Variants in GALNT17 observed in about 807,000 individuals in gnomAD.
GALNT17 encodes polypeptide N-acetylgalactosaminyltransferase 17, also known as UDP-GalNAc:polypeptide N-acetylgalactosaminyltransferase-like 3.
Under a neutral mutation model 63.7 loss-of-function variants are expected in GALNT17, and 29 were observed. The ratio of observed to expected loss-of-function variants is 0.46; its 90% CI spans 0.34 to 0.62. The LOEUF is 0.62. Ranked by LOEUF, GALNT17 falls within the 20% of genes least tolerant of loss-of-function variation. GALNT17 has a pLI of 0.01. For missense variants in GALNT17, 603 were observed against 799.6 expected (o/e 0.75, Z 2.97); for synonymous variants, 305 against 318.3 (o/e 0.96, Z 0.45).
At chr7:71,469,648 G>C (rs1304891407) in intron 5 of GALNT17, among the ~76,000 whole-genome samples, 1 of 152,184 alleles carries the variant, frequency 6.6e-6, no homozygotes, top group Non-Finnish European at 1.5e-5. Flanking sequence ...CCAAAACTCG[G>C]TGACTGGCAG....
At chr7:71,201,249 A>ATATATATATATATATATATG (rs1789164695) in intron 1 of GALNT17, among the ~76,000 whole-genome samples, 1 of 148,972 alleles carries the variant, frequency 6.7e-6, no homozygotes, top group African/African-American at 2.5e-5. Flanking sequence ...TTTTATATAT[A>ATATATATATATATATATATG]TATATATAAT....
At chr7:71,411,361 C>T (rs1024338257) in intron 3 of GALNT17, among the ~76,000 whole-genome samples, 8 of 152,042 alleles carry the variant, frequency 5.3e-5, no homozygotes, top group Non-Finnish European at 1.0e-4. Flanking sequence ...CTCAAGTGAT[C>T]TGCTTGTCTA....
At chr7:71,319,056 G>A (rs893580227) in intron 1 of GALNT17, among the ~76,000 whole-genome samples, 1 of 118,156 alleles carries the variant, frequency 8.5e-6, no homozygotes, top group African/African-American at 3.2e-5. Context: ...TTATCCTAAT[G>A]TCTGAACCAC....
At position 71,665,475 on chromosome 7, in the gene GALNT17, A is replaced by G. The variant is rs374598989; in HGVS notation, c.1145A>G (p.Lys382Arg). ...TCACGGGTGGCCCACATTGAGCGGA[A>G]GAAGAAGCCATATAATAGCAACATT... is the stretch of plus-strand genomic sequence containing the variant. ...PCSRVAHIER[K>R]KKPYNSNIGF... The change falls in exon 7 of 11, where the codon AAG becomes AGG. Residue 382 changes from lysine to arginine, a missense_variant. By Grantham distance (26) the Lys-to-Arg change is conservative. Coordinates refer to ENST00000333538, the MANE Select transcript of GALNT17 (RefSeq NM_022479.3). 23 of 1,613,464 alleles carry G rather than the reference A, an allele frequency of 1.4e-5. No homozygotes were observed. Among genetic ancestry groups the G allele is most frequent in the Middle Eastern group, 1.8e-4 (1 of 5,714 alleles).
At chr7:71,361,808 C>CAG (rs373972800) in intron 2 of GALNT17, among the ~76,000 whole-genome samples, 33 of 147,582 alleles carry the variant, frequency 2.2e-4, no homozygotes, top group African/African-American at 6.7e-4. Context: ...GAGAGAGAGA[C>CAG]AGAGAGAGAG....
chr7:71,685,380 T>C (rs970539412), intron 9 of GALNT17: 2 of 152,202 alleles, frequency 1.3e-5, no homozygotes, highest in African/African-American at 4.8e-5. Context: ...CTCTGGGGAC[T>C]TATTGTAACC....
chr7:71,328,469 A>C (rs1791742695), intron 1 of GALNT17, among the ~76,000 whole-genome samples: 1 of 152,098 alleles, frequency 6.6e-6, no homozygotes, highest in Non-Finnish European at 1.5e-5. Flanking sequence ...CGACTGAGCA[A>C]GGGGCACTTG....
At chr7:71,516,590 G>A (rs1243099482) in intron 5 of GALNT17, among the ~76,000 whole-genome samples, 1 of 152,178 alleles carries the variant, frequency 6.6e-6, no homozygotes, top group Non-Finnish European at 1.5e-5. Context: ...CAGGAGGGGT[G>A]CAGGTATACA....
intron 1 of GALNT17, among the ~76,000 whole-genome samples, chr7:71,327,277 C>CA (rs1447782888): frequency 1.3e-5 from 2 of 152,152 alleles, no homozygotes; most frequent in African/African-American, 4.8e-5. Flanking sequence ...ATAATGGACT[C>CA]ACAGTTTCAC....
intron 1 of GALNT17, among the ~76,000 whole-genome samples, chr7:71,251,943 G>A (rs551184966): frequency 3.9e-5 from 6 of 152,228 alleles, no homozygotes; most frequent in African/African-American, 1.4e-4. Context: ...CATAAGATCT[G>A]TACAGTCACT....
intron 1 of GALNT17, among the ~76,000 whole-genome samples, chr7:71,266,197 G>A (rs928489887): frequency 1.0e-4 from 12 of 115,172 alleles, no homozygotes; most frequent in African/African-American, 2.8e-4. Context: ...AGATAAATCC[G>A]GCATAGTCCC....
chr7:71,184,373 G>A (rs886631395), intron 1 of GALNT17, among the ~76,000 whole-genome samples: 15 of 135,824 alleles, frequency 1.1e-4, no homozygotes, highest in African/African-American at 5.6e-4. Context: ...ATCTCTGCTA[G>A]CTTGAGTGCT....
Position 71,401,601 on chromosome 7 carries a change from G to A in GALNT17, c.589+13200G>A, listed in dbSNP as rs143961878. On this transcript the variant is annotated intron_variant, in intron 3 of 10. Coordinates refer to ENST00000333538, the MANE Select transcript of GALNT17 (RefSeq NM_022479.3). Reference sequence around the variant, plus strand: ...TTTAGAGCCACTCCCCATTGCTCGCGTTACCACCTGAGCTCCATCTCCTGT... The same window carrying A: ...TTTAGAGCCACTCCCCATTGCTCGCATTACCACCTGAGCTCCATCTCCTGT... Among the ~76,000 whole-genome samples, 62 of 152,190 alleles carry A rather than the reference G, an allele frequency of 4.1e-4. No individual in the cohort carries two copies. In the East Asian group the frequency reaches 9.7e-3, roughly 24 times the overall value.
At chr7:71,507,304 C>T (rs1788284950) in intron 5 of GALNT17, among the ~76,000 whole-genome samples, 1 of 152,110 alleles carries the variant, frequency 6.6e-6, no homozygotes, top group Non-Finnish European at 1.5e-5. Flanking sequence ...GTTAAGCCTT[C>T]AGCCTGCTTC....
At chr7:71,369,986 G>A (rs1266545494) in intron 2 of GALNT17, among the ~76,000 whole-genome samples, 1 of 152,138 alleles carries the variant, frequency 6.6e-6, no homozygotes, top group Non-Finnish European at 1.5e-5. Flanking sequence ...GGGTGGAAGT[G>A]AGGTCTAGAG....
At chr7:71,512,826 A>G (rs936307977) in intron 5 of GALNT17, among the ~76,000 whole-genome samples, 4 of 152,198 alleles carry the variant, frequency 2.6e-5, no homozygotes, top group Admixed American at 2.6e-4. Flanking sequence ...AGTGGGGAGA[A>G]TGAGGAGAAT....
At chr7:71,588,222 T>G (rs1413875619) in intron 6 of GALNT17, among the ~76,000 whole-genome samples, 2 of 152,228 alleles carry the variant, frequency 1.3e-5, no homozygotes, top group African/African-American at 4.8e-5. Context: ...ACCAGGTATT[T>G]ACTTCTTATA....
At chr7:71,533,282 C>T (rs1313003706) in intron 5 of GALNT17, among the ~76,000 whole-genome samples, 1 of 152,152 alleles carries the variant, frequency 6.6e-6, no homozygotes, top group Non-Finnish European at 1.5e-5. Context: ...GGAAAGGAAT[C>T]AGAGAAGACT....
intron 7 of GALNT17, among the ~76,000 whole-genome samples, chr7:71,669,754 G>T (rs897345195): frequency 6.6e-6 from 1 of 151,728 alleles, no homozygotes; most frequent in Non-Finnish European, 1.5e-5. Flanking sequence ...GTAGAGACGG[G>T]GTTTCGCCGT....
Sources: gnomAD v4.1 joint callset for allele counts (sites outside exome capture counted in the v4.1 genomes callset) on GRCh38, gnomAD v4.1.1 for gene constraint, MANE v1.5 for transcripts, NCBI Gene and HGNC (gene_info 2026-07-23, HGNC 2026-07-21) for gene names.